PTPRF: variants seen among roughly 807,000 people sequenced by gnomAD.
PTPRF encodes the protein receptor-type tyrosine-protein phosphatase F.
A neutral mutation model predicts 201.8 loss-of-function variants in PTPRF; 59 were observed. The observed-to-expected ratio is 0.29, with a 90% CI of 0.24 to 0.36. The LOEUF (loss-of-function observed/expected upper bound fraction) is 0.36. PTPRF is among the 10% of genes least tolerant of loss of function. The probability of loss-of-function intolerance (pLI) is 1.00; values close to 1 mark genes in which losing one functional copy is unlikely to be tolerated. For missense variants in PTPRF, 2,132 were observed against 2,690.5 expected (o/e 0.79, Z 4.59); for synonymous variants, 1,088 against 1,089.7 (o/e 1.00, Z 0.03).
At position 43,618,999 on chromosome 1, in the gene PTPRF, A is replaced by G. The variant is rs377192942; in HGVS notation, c.4492-49A>G. ...CATCAGGTCATTCAGTCCTGAGTCT[A>G]TGGCAGGTAGGCTCCTAGTCGCCAG... On this transcript the variant is annotated intron_variant, in intron 26 of 33. Coordinates refer to ENST00000359947, the MANE Select transcript of PTPRF (RefSeq NM_002840.5). 133 of 1,590,432 alleles carry G rather than the reference A, an allele frequency of 8.4e-5. 1 individual carries two copies. Among genetic ancestry groups the G allele is most frequent in the Middle Eastern group, 1.7e-4 (1 of 6,000 alleles).
chr1:43,523,886 TAAAGAAAAAAAAAA>T (rs1643019721), upstream of PTPRF, among the ~76,000 whole-genome samples: 1 of 128,264 alleles, frequency 7.8e-6, no homozygotes, highest in South Asian at 2.7e-4. Flanking sequence ...CTAAGTCTAC[TAAAGAAAAAAAAAA>T]AAGGAAAAAA....
chr1:43,592,750 C>A, intron 11 of PTPRF, 149 bp downstream of exon 11: 2 of 1,022,632 alleles, frequency 2.0e-6, no homozygotes, highest in Non-Finnish European at 1.3e-6. Flanking sequence ...GAGTCTGGGC[C>A]TCGGGAGAGG....
chr1:43,610,211 T>C (rs953389782), intron 22 of PTPRF, among the ~76,000 whole-genome samples: 11 of 152,176 alleles, frequency 7.2e-5, no homozygotes, highest in African/African-American at 2.7e-4. Flanking sequence ...AACTGTGTCT[T>C]GTCATCCCCC....
At chr1:43,581,212 C>CCTAACT (rs2154000981) in intron 7 of PTPRF, among the ~76,000 whole-genome samples, 1 of 152,346 alleles carries the variant, frequency 6.6e-6, no homozygotes, top group African/African-American at 2.4e-5. Flanking sequence ...TGGCCCAACC[C>CCTAACT]CTAACTCTAC....
chr1:43,555,544 C>T (rs1211580376), intron 5 of PTPRF, among the ~76,000 whole-genome samples: 1 of 148,342 alleles, frequency 6.7e-6, no homozygotes, highest in African/African-American at 2.5e-5. Flanking sequence ...CTCCTGGGTT[C>T]AAGCGATTCT....
chr1:43,572,470 G>A (rs1030702697), intron 6 of PTPRF, among the ~76,000 whole-genome samples: 1 of 152,198 alleles, frequency 6.6e-6, no homozygotes, highest in Non-Finnish European at 1.5e-5. Context: ...CACCTAAGGG[G>A]CCTCAACCAT....
intron 5 of PTPRF, among the ~76,000 whole-genome samples, chr1:43,562,397 C>T (rs1012992020): frequency 1.3e-5 from 2 of 150,270 alleles, no homozygotes; most frequent in African/African-American, 2.5e-5. Context: ...CGTGAGCCAC[C>T]GCGCCTGGCC....
rs544292225 is a variant in PTPRF at position 43,552,135 on chromosome 1, C to T, written c.92-1357C>T. Among the ~76,000 whole-genome samples the T allele has an allele frequency of 1.1e-4, 16 of 152,096 alleles. No individual in the cohort carries two copies. The East Asian group carries it at 1.9e-3, about 18-fold the overall frequency. On this transcript the variant is annotated intron_variant, in intron 3 of 33. Coordinates refer to ENST00000359947, the MANE Select transcript of PTPRF (RefSeq NM_002840.5). ...AAAAAGAAAAAAAAAATTCACAAAC[C>T]TCCCTTCCCGCCTCATCCTTTCCAG...
At chr1:43,578,753 G>A (rs1239781492) in intron 6 of PTPRF, 57 bp from the exon 7 acceptor site, 1 of 1,348,304 alleles carries the variant, frequency 7.4e-7, no homozygotes, top group Non-Finnish European at 1.0e-6. Flanking sequence ...CTCTCACCGT[G>A]TTCCAGGCCA....
At chr1:43,581,496 A>G (rs1167229108) in intron 7 of PTPRF, among the ~76,000 whole-genome samples, 1 of 152,174 alleles carries the variant, frequency 6.6e-6, no homozygotes, top group East Asian at 1.9e-4. Flanking sequence ...CATAGGCCCT[A>G]CTGTCCTACT....
At chr1:43,545,799 C>G (rs942065822) in intron 3 of PTPRF, among the ~76,000 whole-genome samples, 3 of 152,162 alleles carry the variant, frequency 2.0e-5, no homozygotes, top group South Asian at 2.1e-4. Context: ...CAACGCCCCT[C>G]TGTGTGTGTT....
At chr1:43,535,336 G>A (rs1040083238) in intron 1 of PTPRF, among the ~76,000 whole-genome samples, 10 of 152,042 alleles carry the variant, frequency 6.6e-5, no homozygotes, top group Non-Finnish European at 1.0e-4. Context: ...TTGAGAAGGG[G>A]CAGCCTTGGG....
At chr1:43,525,657 T>C (rs183915116), upstream of PTPRF, among the ~76,000 whole-genome samples, 11 of 151,478 alleles carry the variant, frequency 7.3e-5, no homozygotes, top group Admixed American at 3.3e-4. Flanking sequence ...AGACAAAAAT[T>C]AGCTGGGCGT....
chr1:43,569,504 A>G, intron 5 of PTPRF, 86 bp from the exon 6 acceptor site: 1 of 1,414,290 alleles, frequency 7.1e-7, no homozygotes. Context: ...GCCCTGGCCA[A>G]CCTGCAGTTG....
At chr1:43,531,343 C>T (rs1209323426) in intron 1 of PTPRF, among the ~76,000 whole-genome samples, 2 of 148,072 alleles carry the variant, frequency 1.4e-5, no homozygotes, top group Non-Finnish European at 3.0e-5. Flanking sequence ...GGCTGGCTCG[C>T]TCCCCGCCGC....
chr1:43,566,108 G>C (rs537260398), intron 5 of PTPRF, among the ~76,000 whole-genome samples: 4 of 152,196 alleles, frequency 2.6e-5, no homozygotes, highest in Non-Finnish European at 4.4e-5. Flanking sequence ...GGGCTCTGCA[G>C]TGGAGCCTGA....
intron 13 of PTPRF, among the ~76,000 whole-genome samples, chr1:43,600,151 G>C (rs116606473): frequency 8.6e-4 from 131 of 152,330 alleles, no homozygotes; most frequent in African/African-American, 3.1e-3. Context: ...AGGCAGGCAT[G>C]TGCACCCACC....
Position 43,606,318 on chromosome 1 carries a change from G to T in PTPRF, c.3562G>T (p.Ala1188Ser), listed in dbSNP as rs759442309. Residue 1188 changes from alanine to serine, a missense_variant, in exon 20 of 34, where the codon GCT becomes TCT. Physicochemically the swap from Ala to Ser is moderately conservative, Grantham distance 99. Coordinates refer to ENST00000359947, the MANE Select transcript of PTPRF (RefSeq NM_002840.5). ...RQAERLKPYV[A>S]AQLDVLPETF... ...GGCAGAACGTCTGAAGCCATATGTG[G>T]CTGCTCAACTGGATGTGCTCCCGGA... is the stretch of plus-strand genomic sequence containing the variant. 5 of 1,614,068 alleles carry T rather than the reference G, an allele frequency of 3.1e-6. No individual in the cohort carries two copies. The African/African-American group carries it at 5.3e-5, about 17-fold the overall frequency.
intron 5 of PTPRF, among the ~76,000 whole-genome samples, chr1:43,559,035 G>A (rs1183625552): frequency 6.6e-6 from 1 of 152,218 alleles, no homozygotes; most frequent in Admixed American, 6.5e-5. Flanking sequence ...ACTTCTCCTG[G>A]GGGGCTTAGC....
Sources: gnomAD v4.1 joint callset for allele counts (sites outside exome capture counted in the v4.1 genomes callset) on GRCh38, gnomAD v4.1.1 for gene constraint, MANE v1.5 for transcripts, NCBI Gene and HGNC (gene_info 2026-07-23, HGNC 2026-07-21) for gene names.